Variants in SORCS2 observed in about 807,000 individuals in gnomAD.
SORCS2 encodes sortilin related VPS10 domain containing receptor 2, also known as VPS10 domain-containing receptor SorCS2.
A neutral mutation model predicts 141.6 loss-of-function variants in SORCS2; 100 were observed. The ratio of observed to expected loss-of-function variants is 0.71; its 90% CI spans 0.60 to 0.83. SORCS2 has a LOEUF of 0.83. Among genes scored for constraint, SORCS2 ranks in the 40% least tolerant of loss-of-function variants. The probability of loss-of-function intolerance (pLI) is 0.00; values close to 1 mark genes in which losing one functional copy is unlikely to be tolerated. For missense variants in SORCS2, 1,646 were observed against 1,560.2 expected (o/e 1.05, Z -0.93); for synonymous variants, 789 against 676.9 (o/e 1.17, Z -2.57).
rs1716223575 is a variant in SORCS2 at position 7,286,377 on chromosome 4, C to T, written c.480+93251C>T. 6.6e-6 allele frequency among the ~76,000 whole-genome samples: 1 copy of T among 152,184 alleles called. No individual in the cohort carries two copies. The highest frequency in any genetic ancestry group is 1.5e-5 in the Non-Finnish European group (1 of 68,024). On this transcript the variant is annotated intron_variant, in intron 1 of 26. Transcript: ENST00000507866. The surrounding 1 kb of genome is among the most constrained non-coding windows in gnomAD (Gnocchi z 4.1). ...GCTCTGGGGCTGGGTTGGGGAGCTA[C>T]CTACTTTGGCCAGAACGGAGCAGGG...
At position 7,192,617 on chromosome 4, in the gene SORCS2, C is replaced by T; in HGVS notation, c.-30C>T. The T allele has an allele frequency of 2.0e-6, 2 of 987,344 alleles. No homozygotes were observed. The highest frequency in any genetic ancestry group is 2.4e-6 in the Non-Finnish European group (2 of 832,002). 61.2% of individuals were successfully genotyped at this position (987,344 alleles called of 1,614,324 possible). On this transcript the variant is annotated 5_prime_UTR_variant, in exon 1 of 27. Coordinates refer to ENST00000507866, the MANE Select transcript of SORCS2 (RefSeq NM_020777.3). This position sits in a 1 kb window ranked among gnomAD's most constrained non-coding sequence, Gnocchi z 4.0. ...CGGTCCCCTCGTCCGCGCCGCCCCG[C>T]CGCCGGCTCCGCTGCCGCCCCTGGC...
At chr4:7,435,687 G>A (rs142670253) in intron 2 of SORCS2, among the ~76,000 whole-genome samples, 18 of 152,324 alleles carry the variant, frequency 1.2e-4, no homozygotes, top group East Asian at 3.9e-4. Context: ...GGTTTGTTTC[G>A]TTTCTGTGTC....
chr4:7,725,001 G>A, intron 19 of SORCS2, among the ~76,000 whole-genome samples, 153 bp from the exon 20 acceptor site: 1 of 147,580 alleles, frequency 6.8e-6, no homozygotes, highest in East Asian at 2.0e-4. Flanking sequence ...TGGTAGTAGT[G>A]GTGATGGTGG....
chr4:7,451,270 G>C (rs1487103539), intron 2 of SORCS2, among the ~76,000 whole-genome samples: 1 of 152,258 alleles, frequency 6.6e-6, no homozygotes, highest in Non-Finnish European at 1.5e-5. Flanking sequence ...CCTGGGCCTA[G>C]GTCTTCAGCA....
chr4:7,494,857 G>A (rs4689130), intron 2 of SORCS2, among the ~76,000 whole-genome samples: 144,026 of 152,244 alleles, frequency 0.95, 68,578 homozygotes, highest in East Asian at 1. Flanking sequence ...TGGATCTTTG[G>A]GCTCCGGCTC....
At position 7,233,124 on chromosome 4, in the gene SORCS2, C is replaced by A. The variant is rs1712020542; in HGVS notation, c.480+39998C>A. 6.6e-6 allele frequency among the ~76,000 whole-genome samples: 1 copy of A among 152,152 alleles called. No homozygotes were observed. The highest frequency in any genetic ancestry group is 2.1e-4 in the South Asian group (1 of 4,834). On this transcript the variant is annotated intron_variant, in intron 1 of 26. Coordinates refer to ENST00000507866, the MANE Select transcript of SORCS2 (RefSeq NM_020777.3). This position sits in a 1 kb window ranked among gnomAD's most constrained non-coding sequence, Gnocchi z 4.5. ...TGCCTTCCTGATGGAGGAGGCTGGG[C>A]TGGGCACAGGCGAGTCCCCAAGGTA... is the stretch of plus-strand genomic sequence containing the variant.
In SORCS2 at chr4:7,738,127, C is replaced by T. The variant is rs149859972; in HGVS notation, c.3415+955C>T. Among the ~76,000 whole-genome samples the T allele has an allele frequency of 3.4e-3, 511 of 152,358 alleles. 4 individuals carry two copies. The highest frequency in any genetic ancestry group is 0.031 in the Middle Eastern group (9 of 294). ...GGGGACACGGACTGCATCCCTCAGC[C>T]GCAGTCAGAGCATGATGCCATCCAG... is the stretch of plus-strand genomic sequence containing the variant. On this transcript the variant is annotated intron_variant, in intron 26 of 26. Transcript: ENST00000507866.
chr4:7,276,592 C>G (rs563127219), intron 1 of SORCS2, among the ~76,000 whole-genome samples: 5 of 152,136 alleles, frequency 3.3e-5, no homozygotes, highest in African/African-American at 9.7e-5. Flanking sequence ...CCGGGAAACG[C>G]ACTGGAAACT....
At chr4:7,716,477 C>T (rs1726195719) in intron 17 of SORCS2, among the ~76,000 whole-genome samples, 1 of 152,216 alleles carries the variant, frequency 6.6e-6, no homozygotes, top group South Asian at 2.1e-4. Context: ...ACTATCCATG[C>T]ATCCATCTAT....
chr4:7,651,247 C>T (rs1476236813), intron 4 of SORCS2, among the ~76,000 whole-genome samples: 9 of 152,304 alleles, frequency 5.9e-5, no homozygotes, highest in South Asian at 4.1e-4. Context: ...GTGTCAGACA[C>T]GGGCTAGACT....
At chr4:7,556,032 T>C (rs1258187174) in intron 3 of SORCS2, among the ~76,000 whole-genome samples, 1 of 152,224 alleles carries the variant, frequency 6.6e-6, no homozygotes, top group Non-Finnish European at 1.5e-5. Context: ...GCGATGCTCA[T>C]TGACTCCTGG....
At chr4:7,640,117 C>A (rs2108868539) in intron 4 of SORCS2, among the ~76,000 whole-genome samples, 1 of 149,736 alleles carries the variant, frequency 6.7e-6, no homozygotes, top group South Asian at 2.1e-4. Flanking sequence ...GTGTAAGAAG[C>A]TATGTTAGCG....
chr4:7,610,775 G>A (rs1049674985), intron 3 of SORCS2, among the ~76,000 whole-genome samples: 2 of 152,196 alleles, frequency 1.3e-5, no homozygotes, highest in African/African-American at 2.4e-5. Context: ...ATAGTCCAGT[G>A]CAGTCAGCAC....
chr4:7,679,079 G>A lies in SORCS2; in HGVS notation c.1341+2850G>A, dbSNP rs190483102. 3.4e-3 allele frequency among the ~76,000 whole-genome samples: 511 copies of A among 152,252 alleles called. 2 individuals carry two copies. The highest frequency in any genetic ancestry group is 0.011 in the African/African-American group (477 of 41,552). ...CTGGCACCTGAGTCTCACTGCCCAC[G>A]GCCAGTACTGTTGCTGTCGTGGTTG... On this transcript the variant is annotated intron_variant, in intron 9 of 26. Coordinates refer to ENST00000507866, the MANE Select transcript of SORCS2 (RefSeq NM_020777.3).
Position 7,676,712 on chromosome 4 carries a change from G to C in SORCS2, c.1341+483G>C, listed in dbSNP as rs183160366. Among the ~76,000 whole-genome samples, 737 of 141,594 alleles carry C rather than the reference G, an allele frequency of 5.2e-3. 7 individuals carry two copies. The highest frequency in any genetic ancestry group is 0.019 in the African/African-American group (699 of 37,504). 92.9% of individuals were successfully genotyped at this position (141,594 alleles called of 152,430 possible). A position where few individuals can be genotyped will look rare whatever the true frequency, so the allele number is the denominator to read the frequency against. On this transcript the variant is annotated intron_variant, in intron 9 of 26. Transcript: ENST00000507866. ...CTCTCCCTCTGTGTGTCTGAAATCT[G>C]CCTTTCTCTCTCTCTCCCTCTCCCT...
intron 2 of SORCS2, among the ~76,000 whole-genome samples, chr4:7,475,364 G>A (rs1479835817): frequency 3.3e-5 from 5 of 152,260 alleles, no homozygotes; most frequent in South Asian, 4.2e-4. Flanking sequence ...GTGAGGGGGC[G>A]AGCAAGGAGG....
intron 3 of SORCS2, among the ~76,000 whole-genome samples, chr4:7,609,501 C>G (rs1373583106): frequency 6.6e-6 from 1 of 152,214 alleles, no homozygotes; most frequent in African/African-American, 2.4e-5. Context: ...CCTCCCCCGT[C>G]CAGCCCCTGT....
chr4:7,566,896 A>G (rs541745238), intron 3 of SORCS2, among the ~76,000 whole-genome samples: 174 of 119,336 alleles, frequency 1.5e-3, no homozygotes, highest in African/African-American at 4.7e-3. Context: ...TATCTGGTGA[A>G]TGCTTACAAC....
intron 2 of SORCS2, among the ~76,000 whole-genome samples, chr4:7,505,017 C>T (rs1283431561): frequency 6.6e-6 from 1 of 152,146 alleles, no homozygotes; most frequent in Non-Finnish European, 1.5e-5. Flanking sequence ...TCCTGGTAAA[C>T]CAAAGTCAAT....
Sources: allele counts gnomAD v4.1 joint callset (sites outside exome capture counted in the v4.1 genomes callset), GRCh38; gene constraint gnomAD v4.1.1; non-coding constraint Gnocchi (gnomAD v3.1); transcripts MANE v1.5; gene names NCBI Gene and HGNC (gene_info 2026-07-23, HGNC 2026-07-21).